TRPM8: variants seen among roughly 807,000 people sequenced by gnomAD.
TRPM8 encodes TRPM8 cationic channel.
A neutral mutation model predicts 133.7 loss-of-function variants in TRPM8; 110 were observed. The observed-to-expected ratio is 0.82, with a 90% CI of 0.70 to 0.96. TRPM8 has a LOEUF of 0.96. Among genes scored for constraint, TRPM8 ranks in the 40% least tolerant of loss-of-function variants. The pLI, the probability that TRPM8 is intolerant of heterozygous loss-of-function variation, is 0.00. For synonymous variants in TRPM8, 535 were observed against 532.3 expected, an observed-to-expected ratio of 1.01 and a Z score of -0.07; for missense variants, 1,291 against 1,379.5, an observed-to-expected ratio of 0.94 and a Z score of 1.02.
intron 6 of TRPM8, among the ~76,000 whole-genome samples, chr2:233,944,382 A>C (rs987122314): frequency 2.0e-5 from 3 of 152,210 alleles, no homozygotes. Context: ...GATGCAGTGC[A>C]TATGTTAATT....
intron 22 of TRPM8, among the ~76,000 whole-genome samples, chr2:234,002,311 C>T (rs1692588352): frequency 6.6e-6 from 1 of 151,964 alleles, no homozygotes; most frequent in African/African-American, 2.4e-5. Context: ...GAGAGTAAGG[C>T]TTGGACTGTA....
At chr2:233,994,224 A>G (rs936937825) in intron 21 of TRPM8, among the ~76,000 whole-genome samples, 48 of 152,348 alleles carry the variant, frequency 3.2e-4, no homozygotes, top group African/African-American at 1.1e-3. Flanking sequence ...CCGCAGAAAC[A>G]TGCAGTGCAT....
At chr2:233,978,069 C>T (rs1691912793) in intron 17 of TRPM8, among the ~76,000 whole-genome samples, 1 of 146,668 alleles carries the variant, frequency 6.8e-6, no homozygotes, top group Admixed American at 7.0e-5. Context: ...GTGTTCATCA[C>T]CTTACAATTT....
At chr2:233,949,924 G>C in intron 8 of TRPM8, 25 bp from the exon 9 acceptor site, 1 of 1,612,208 alleles carries the variant, frequency 6.2e-7, no homozygotes, top group South Asian at 1.1e-5. Flanking sequence ...TCTCTGATCT[G>C]TCTGACTCTG....
rs370663706 is a variant in TRPM8, at chr2:233,974,214, A to AT, written c.2355+3796dup. Among the ~76,000 whole-genome samples the AT allele has an allele frequency of 1.4e-3, 209 of 151,512 alleles. 1 individual carries two copies. The highest frequency in any genetic ancestry group is 4.5e-3 in the African/African-American group (187 of 41,304). On this transcript the variant is annotated intron_variant, in intron 17 of 25. Transcript: ENST00000324695. Reference sequence around the variant, plus strand: ...GCCCCACAAGTGGGGTAAGTGCCAAATTTTTTTTGTTTTTTAGTTTTTTTG... The same window carrying AT: ...GCCCCACAAGTGGGGTAAGTGCCAAATTTTTTTTTGTTTTTTAGTTTTTTTG...
At chr2:233,942,071 C>CTG (rs1553656129) in intron 5 of TRPM8, among the ~76,000 whole-genome samples, 4,037 of 111,396 alleles carry the variant, frequency 0.036, 480 homozygotes, top group East Asian at 0.21. Flanking sequence ...GGTCAAGAAT[C>CTG]TTTTTTTTTT....
At chr2:233,938,236 G>A (rs1252271495) in intron 4 of TRPM8, among the ~76,000 whole-genome samples, 1 of 152,188 alleles carries the variant, frequency 6.6e-6, no homozygotes, top group East Asian at 1.9e-4. Context: ...TTCCTACCCG[G>A]CTTCAAACGC....
intron 3 of TRPM8, among the ~76,000 whole-genome samples, chr2:233,935,338 G>A (rs756995631): frequency 5.9e-5 from 9 of 152,212 alleles, no homozygotes; most frequent in Non-Finnish European, 8.8e-5. Context: ...CACTGCACAA[G>A]GATGCTGGGG....
At chr2:233,927,633 G>A (rs934709509) in intron 2 of TRPM8, among the ~76,000 whole-genome samples, 3 of 152,058 alleles carry the variant, frequency 2.0e-5, no homozygotes, top group African/African-American at 7.3e-5. Flanking sequence ...CCCCAGTGAC[G>A]AAGCACCTCT....
intron 17 of TRPM8, among the ~76,000 whole-genome samples, chr2:233,976,483 C>G (rs1241943569): frequency 1.3e-5 from 2 of 151,984 alleles, no homozygotes; most frequent in East Asian, 3.9e-4. Context: ...TAGACAGGGG[C>G]AGGTGCGCAG....
intron 3 of TRPM8, among the ~76,000 whole-genome samples, chr2:233,932,868 T>C (rs1471265768): frequency 6.6e-6 from 1 of 150,448 alleles, no homozygotes; most frequent in Non-Finnish European, 1.5e-5. Context: ...AATGAAGTGA[T>C]GATTAATTTT....
At position 233,927,881 on chromosome 2, in the gene TRPM8, T is replaced by TCTTC. The variant is rs1691586909; in HGVS notation, c.117+1230_117+1231insCCTT. On this transcript the variant is annotated intron_variant, in intron 2 of 25. Transcript: ENST00000324695. Reference sequence around the variant, plus strand: ...CTTTCTCTTTCTTTCTTTCTTTCTTTCTTTCTTTCTTTCTTTCTTTCTTTC... The same window carrying TCTTC: ...CTTTCTCTTTCTTTCTTTCTTTCTTTCTTCCTTTCTTTCTTTCTTTCTTTCTTTC... Among the ~76,000 whole-genome samples, 3 of 67,582 alleles carry TCTTC rather than the reference T, an allele frequency of 4.4e-5. 1 individual carries two copies. The highest frequency in any genetic ancestry group is 7.3e-5 in the Non-Finnish European group (3 of 41,034). The allele number at this position is 67,582 out of a possible 152,430, so 44.3% of individuals were successfully genotyped here. A position where few individuals can be genotyped will look rare whatever the true frequency, so the allele number is the denominator to read the frequency against.
At chr2:234,012,536 A>G (rs1313789763) in intron 24 of TRPM8, among the ~76,000 whole-genome samples, 4 of 151,756 alleles carry the variant, frequency 2.6e-5, no homozygotes, top group Non-Finnish European at 5.9e-5. Flanking sequence ...ATATAAGATT[A>G]TGTTATATGC....
chr2:233,948,890 T>C (rs1041687274), intron 8 of TRPM8, among the ~76,000 whole-genome samples: 15 of 152,024 alleles, frequency 9.9e-5, no homozygotes, highest in African/African-American at 3.4e-4. Context: ...AAAAATTAGC[T>C]GGGCGCAGTG....
At chr2:233,954,223 T>C (rs1691237359) in intron 10 of TRPM8, among the ~76,000 whole-genome samples, 1 of 152,234 alleles carries the variant, frequency 6.6e-6, no homozygotes, top group East Asian at 1.9e-4. Context: ...AGAATAATAA[T>C]TTTTATGTCA....
At chr2:233,926,505 A>G in intron 1 of TRPM8, 28 bp from the exon 2 acceptor site, 4 of 1,572,834 alleles carry the variant, frequency 2.5e-6, no homozygotes, top group Admixed American at 1.7e-5. Flanking sequence ...TTGTAACCCA[A>G]ACTTATCCCC....
At chr2:233,968,193 A>G (rs17862931) in intron 15 of TRPM8, 7,126 of 152,322 alleles carry the variant, frequency 0.047, 250 homozygotes, top group Non-Finnish European at 0.063. Context: ...AGGAAGACTA[A>G]GCACTGCCTG....
At chr2:233,929,292 A>G (rs1397789806) in intron 2 of TRPM8, among the ~76,000 whole-genome samples, 2 of 152,176 alleles carry the variant, frequency 1.3e-5, no homozygotes, top group African/African-American at 4.8e-5. Context: ...CATACGACCT[A>G]TGGGGAAACT....
chr2:233,992,768 T>G (rs1410616486), intron 21 of TRPM8, among the ~76,000 whole-genome samples: 1 of 152,182 alleles, frequency 6.6e-6, no homozygotes, highest in Non-Finnish European at 1.5e-5. Flanking sequence ...AAGGAGACTT[T>G]AAGAACCATC....
Sources: gnomAD v4.1 joint callset for allele counts (sites outside exome capture counted in the v4.1 genomes callset) on GRCh38, gnomAD v4.1.1 for gene constraint, MANE v1.5 for transcripts, NCBI Gene and HGNC (gene_info 2026-07-23, HGNC 2026-07-21) for gene names.